Variants in HIVEP1 observed in about 807,000 individuals in gnomAD.
HIVEP1 encodes HIVEP zinc finger 1, also known as zinc finger protein 40.
In HIVEP1, 36 loss-of-function variants were observed where a neutral mutation model predicts 180.0. That is an observed-to-expected ratio of 0.20 (90% CI 0.15 to 0.26). HIVEP1 has a LOEUF of 0.26. HIVEP1 is among the 10% of genes least tolerant of loss of function. HIVEP1 has a pLI of 1.00. For missense variants in HIVEP1, 3,143 were observed against 3,268.7 expected (o/e 0.96, Z 0.94); for synonymous variants, 1,239 against 1,239.0 (o/e 1.00, Z 0.00).
chr6:12,104,515 C>G (rs936372096), intron 3 of HIVEP1, among the ~76,000 whole-genome samples: 3 of 144,020 alleles, frequency 2.1e-5, no homozygotes, highest in African/African-American at 7.7e-5. Flanking sequence ...ACCACCTGGG[C>G]TCAAGCAATC....
At chr6:12,171,748 T>C in the HIVEP1 span, among the ~76,000 whole-genome samples, 2 of 152,190 alleles carry the variant, frequency 1.3e-5, no homozygotes, top group African/African-American at 4.8e-5. Context: ...AGCAAGAAGC[T>C]AGTGGGAATT....
chr6:12,164,385 C>T lies in HIVEP1; in HGVS notation c.8081C>T (p.Pro2694Leu), dbSNP rs200243064. 293 of 1,614,140 alleles carry T rather than the reference C, an allele frequency of 1.8e-4. No individual in the cohort carries two copies. Among genetic ancestry groups the T allele is most frequent in the African/African-American group, 7.3e-4 (55 of 75,052 alleles). ...DRQVPRPTAL[P>L]RRQPTVHFSD... is the part of the protein sequence containing the mutation. ...CAGGTTCCCAGGCCCACAGCACTACCGCGGAGGCAGCCCACTGTGCACTTC... is the reference window on the plus strand; with the variant it reads ...CAGGTTCCCAGGCCCACAGCACTACTGCGGAGGCAGCCCACTGTGCACTTC... The change falls in exon 9 of 9, where the codon CCG becomes CTG. Residue 2694 changes from proline to leucine, a missense_variant. By Grantham distance (98) the Pro-to-Leu change is moderately conservative (BLOSUM62 -3). Coordinates refer to ENST00000379388, the MANE Select transcript of HIVEP1 (RefSeq NM_002114.4).
upstream of HIVEP1, among the ~76,000 whole-genome samples, chr6:12,010,139 A>G (rs570521075): frequency 1.3e-5 from 2 of 152,358 alleles, no homozygotes; most frequent in Admixed American, 6.5e-5. Flanking sequence ...GGTGATTGCA[A>G]CCTATTGGAT....
chr6:12,169,571 A>G (rs1305184870), downstream of HIVEP1, among the ~76,000 whole-genome samples: 1 of 152,228 alleles, frequency 6.6e-6, no homozygotes, highest in East Asian at 1.9e-4. Context: ...GGACATGACA[A>G]TAGACCACAT....
intron 2 of HIVEP1, among the ~76,000 whole-genome samples, chr6:12,016,749 T>G (rs1412473965): frequency 6.6e-6 from 1 of 152,208 alleles, no homozygotes; most frequent in Non-Finnish European, 1.5e-5. Flanking sequence ...TGTGTGGAAA[T>G]CTGATTTTTT....
chr6:12,129,518 T>TG, intron 4 of HIVEP1: 1 of 598,082 alleles, frequency 1.7e-6, no homozygotes, highest in Non-Finnish European at 3.1e-6. Context: ...AGCCTTTATT[T>TG]GGGGGTGTCA....
intron 3 of HIVEP1, among the ~76,000 whole-genome samples, chr6:12,102,752 T>C (rs1222481243): frequency 6.6e-6 from 1 of 152,212 alleles, no homozygotes; most frequent in African/African-American, 2.4e-5. Flanking sequence ...GCGCATTATT[T>C]GAAGATACAG....
At chr6:12,072,196 A>G (rs1008381243) in intron 2 of HIVEP1, among the ~76,000 whole-genome samples, 3 of 151,674 alleles carry the variant, frequency 2.0e-5, no homozygotes, top group East Asian at 1.9e-4. Context: ...GCTTATTTCC[A>G]TCTGTTGTCA....
rs747206097 is a variant in HIVEP1, at chr6:12,164,458, C to G, written c.8154C>G (p.Thr2718=). ...ACGAGGACAGGCTTGTGATAGCAAC[C>G]TGATGGATTTTATTTTTTATTTGCT... ...DDDEDRLVIA[T] is the part of the protein sequence containing the mutation. Residue 2718 remains threonine, a synonymous_variant, in exon 9 of 9, where the codon ACC becomes ACG. Transcript: ENST00000379388. The G allele has an allele frequency of 1.4e-5, 22 of 1,575,534 alleles. No homozygotes were observed. In the African/African-American group the frequency reaches 1.5e-4, roughly 11 times the overall value.
chr6:12,196,313 G>A, the HIVEP1 span, among the ~76,000 whole-genome samples: 4 of 152,146 alleles, frequency 2.6e-5, no homozygotes, highest in African/African-American at 9.7e-5. Flanking sequence ...CCAATAAGAG[G>A]TATGTTCTAT....
intron 2 of HIVEP1, among the ~76,000 whole-genome samples, chr6:12,051,037 T>TATG (rs1770504574): frequency 7.0e-6 from 1 of 142,322 alleles, no homozygotes; most frequent in Non-Finnish European, 1.5e-5. Flanking sequence ...TATATGTATA[T>TATG]TAAAATAAAT....
At chr6:12,202,252 C>A in the HIVEP1 span, among the ~76,000 whole-genome samples, 1 of 151,974 alleles carries the variant, frequency 6.6e-6, no homozygotes, top group African/African-American at 2.4e-5. Context: ...CCTCCCGGGG[C>A]TCAGGTGATC....
chr6:12,090,664 C>T (rs1157756877), intron 3 of HIVEP1, among the ~76,000 whole-genome samples: 6 of 150,874 alleles, frequency 4.0e-5, no homozygotes, highest in African/African-American at 9.8e-5. Flanking sequence ...CTGACTTAAA[C>T]GCATGAGGCA....
intron 2 of HIVEP1, among the ~76,000 whole-genome samples, chr6:12,047,855 G>A (rs1446446913): frequency 1.3e-5 from 2 of 152,148 alleles, no homozygotes; most frequent in African/African-American, 4.8e-5. Context: ...TAGTTTCCTC[G>A]ATAAGCTGGT....
Position 12,112,795 on chromosome 6 carries a change from G to A in HIVEP1, c.95-7095G>A, listed in dbSNP as rs562996607. The stretch of plus-strand genomic sequence containing the variant: ...CTCCTGGTCCAGCCTCAGTCTTGGC[G>A]GTCCCTGTGTTTCCAGCCCCTCCCC... On this transcript the variant is annotated intron_variant, in intron 3 of 8. Coordinates refer to ENST00000379388, the MANE Select transcript of HIVEP1 (RefSeq NM_002114.4). 2.9e-4 allele frequency among the ~76,000 whole-genome samples: 44 copies of A among 152,260 alleles called. 1 individual carries two copies. The South Asian group carries it at 7.7e-3, about 27-fold the overall frequency.
At chr6:12,135,386 T>C (rs9470991) in intron 6 of HIVEP1, among the ~76,000 whole-genome samples, 2,280 of 152,114 alleles carry the variant, frequency 0.015, 26 homozygotes, top group Middle Eastern at 0.058. Context: ...CAATTAAAAG[T>C]AAAAAGCATG....
chr6:12,172,718 A>T, the HIVEP1 span, among the ~76,000 whole-genome samples: 1 of 151,900 alleles, frequency 6.6e-6, no homozygotes, highest in Non-Finnish European at 1.5e-5. Flanking sequence ...TCATTCTCAC[A>T]TTGTGGTTGA....
rs115987223 is a variant in HIVEP1 at position 12,017,549 on chromosome 6, C to A, written c.40+1881C>A. ...CCCAAGCAGTTGCAACTGCTGCCTC[C>A]GGCAGCCTGCTTTTATTCTCCCGTC... is the stretch of plus-strand genomic sequence containing the variant. On this transcript the variant is annotated intron_variant, in intron 2 of 8. Transcript: ENST00000379388. Among the ~76,000 whole-genome samples the A allele has an allele frequency of 2.6e-3, 397 of 152,314 alleles. 4 individuals are homozygous for A. The highest frequency in any genetic ancestry group is 8.9e-3 in the African/African-American group (372 of 41,574).
At chr6:12,147,759 A>G (rs1212799824) in intron 7 of HIVEP1, among the ~76,000 whole-genome samples, 4 of 152,188 alleles carry the variant, frequency 2.6e-5, no homozygotes, top group South Asian at 2.1e-4. Context: ...GTTTGGATGG[A>G]AAGTCTGAAA....
Sources: gnomAD v4.1 joint callset for allele counts (sites outside exome capture counted in the v4.1 genomes callset) on GRCh38, gnomAD v4.1.1 for gene constraint, MANE v1.5 for transcripts, NCBI Gene and HGNC (gene_info 2026-07-23, HGNC 2026-07-21) for gene names.